Variants in SREK1 observed in about 807,000 individuals in gnomAD.
SREK1 encodes the protein splicing regulatory glutamic acid and lysine rich protein 1.
Under a neutral mutation model 66.5 loss-of-function variants are expected in SREK1, and 13 were observed. The ratio of observed to expected loss-of-function variants is 0.20; its 90% CI spans 0.13 to 0.31. SREK1 has a LOEUF of 0.31. SREK1 is among the 10% of genes least tolerant of loss of function. The pLI is 1.00. For synonymous variants in SREK1, 265 were observed against 263.5 expected, an observed-to-expected ratio of 1.01 and a Z score of -0.05; for missense variants, 607 against 769.6, an observed-to-expected ratio of 0.79 and a Z score of 2.50.
In SREK1 at chr5:66,153,490, A is replaced by C; in HGVS notation, c.189A>C (p.Lys63Asn). 1 of 1,613,124 alleles carries C rather than the reference A, an allele frequency of 6.2e-7. No individual in the cohort carries two copies. The highest frequency in any genetic ancestry group is 8.5e-7 in the Non-Finnish European group (1 of 1,179,686). ...ACGCACCTCTTGCTTTTTCCTCCAA[A>C]GTATGTTATGTTAAGTTTCGTGATC... ...PDNAPLAFSS[K>N]VCYVKFRDPS... Residue 63 changes from lysine to asparagine, a missense_variant, in exon 2 of 12, where the codon AAA becomes AAC. By Grantham distance (94) the Lys-to-Asn change is moderately conservative (BLOSUM62 0). This residue lies in a region of SREK1 where 99 missense variants were observed against 186.6 expected (regional missense o/e 0.53). Coordinates refer to ENST00000334121, the MANE Select transcript of SREK1 (RefSeq NM_001077199.3).
chr5:66,170,315 T>G (rs1191838088), intron 8 of SREK1, 145 bp downstream of exon 8: 1 of 1,204,272 alleles, frequency 8.3e-7, no homozygotes, highest in African/African-American at 1.5e-5. Context: ...TTTTATTGTT[T>G]TAGTAATCTA....
Position 66,144,415 on chromosome 5 carries a change from C to T in SREK1, c.39C>T (p.Phe13=). ...SGGGFGLGLG[F]GLTPTSVIQV... ...GCGGCTTCGGTTTGGGCTTAGGCTT[C>T]GGCCTCACCCCCACGTCGGTGATTC... is the stretch of plus-strand genomic sequence containing the variant. The change falls in exon 1 of 12, where the codon TTC becomes TTT. Residue 13 remains phenylalanine (F), a synonymous_variant. Coordinates refer to ENST00000334121, the MANE Select transcript of SREK1 (RefSeq NM_001077199.3). 1.3e-6 allele frequency: 2 copies of T among 1,551,302 alleles called. No individual in the cohort carries two copies. Among genetic ancestry groups the T allele is most frequent in the Non-Finnish European group, 1.7e-6 (2 of 1,146,810 alleles).
intron 2 of SREK1, chr5:66,157,925 A>G (rs1744427354): frequency 5.7e-6 from 1 of 174,072 alleles, no homozygotes; most frequent in Admixed American, 6.5e-5. Flanking sequence ...GTTGTTTTAA[A>G]TATTTTTACA....
In SREK1 at chr5:66,163,930, C is replaced by A. The variant is rs747872574; in HGVS notation, c.886+8C>A. On this transcript the variant is annotated splice_region_variant and intron_variant, in intron 6 of 11. Coordinates refer to ENST00000334121, the MANE Select transcript of SREK1 (RefSeq NM_001077199.3). ...CAGCAGCTATTGAACCAGGTAAGTA[C>A]ATAACGTTGTTACATAGGTCATAGT... 6.2e-7 allele frequency: 1 copy of A among 1,612,098 alleles called. No homozygotes were observed. Among genetic ancestry groups the A allele is most frequent in the Non-Finnish European group, 8.5e-7 (1 of 1,178,730 alleles).
At chr5:66,146,272 C>CT (rs1743186203) in intron 1 of SREK1, among the ~76,000 whole-genome samples, 1 of 152,078 alleles carries the variant, frequency 6.6e-6, no homozygotes, top group Admixed American at 6.5e-5. Context: ...GTAAATCTTG[C>CT]TTTCAAGGCT....
intron 7 of SREK1, chr5:66,165,834 T>C (rs1365429203): frequency 6.6e-6 from 1 of 152,202 alleles, no homozygotes; most frequent in Non-Finnish European, 1.5e-5. Flanking sequence ...AAGGAACCAG[T>C]TTGTTGTACA....
intron 7 of SREK1, chr5:66,168,682 A>G (rs1745373733): frequency 6.6e-6 from 1 of 152,016 alleles, no homozygotes; most frequent in Non-Finnish European, 1.5e-5. Context: ...CAGCCCAACT[A>G]TATTTCTTTT....
rs553510214 is a variant in SREK1, at chr5:66,182,077, T to C, written c.*3209T>C. ...ATTATAATGTAGAGTAATAGGCCTTTAAGTTTTTTTTTAATCTGTTAGAAA... is the reference window on the plus strand; with the variant it reads ...ATTATAATGTAGAGTAATAGGCCTTCAAGTTTTTTTTTAATCTGTTAGAAA... On this transcript the variant is annotated 3_prime_UTR_variant, in exon 12 of 12. Transcript: ENST00000334121. 4 of 152,288 alleles carry C rather than the reference T, an allele frequency of 2.6e-5. No homozygotes were observed. The highest frequency in any genetic ancestry group is 1.9e-4 in the East Asian group (1 of 5,190). The allele number at this position is 152,288 out of a possible 1,614,324, so 9.4% of individuals were successfully genotyped here.
At chr5:66,170,534 G>C (rs1745545402) in intron 8 of SREK1, 51 bp from the exon 9 acceptor site, 2 of 1,541,236 alleles carry the variant, frequency 1.3e-6, no homozygotes, top group African/African-American at 2.8e-5. Flanking sequence ...GGTCTTTTTG[G>C]AGGAGGTAGA....
At chr5:66,176,821 ATATT>A (rs1746094652) in intron 10 of SREK1, among the ~76,000 whole-genome samples, 1 of 151,854 alleles carries the variant, frequency 6.6e-6, no homozygotes, top group African/African-American at 2.4e-5. Context: ...TGATTTCTGT[ATATT>A]TATTTTTTTA....
chr5:66,153,365 C>G, intron 1 of SREK1, 98 bp from the exon 2 acceptor site: 1 of 1,461,026 alleles, frequency 6.8e-7, no homozygotes, highest in South Asian at 1.4e-5. Context: ...GTCTTAATTT[C>G]GTAAGATTAT....
chr5:66,182,701 G>A lies in SREK1; in HGVS notation c.*3833G>A, dbSNP rs1746591995. On this transcript the variant is annotated 3_prime_UTR_variant, in exon 12 of 12. Coordinates refer to ENST00000334121, the MANE Select transcript of SREK1 (RefSeq NM_001077199.3). ...TCACCTCAGCCTCTTGAATAGCTGGGACCACAGACATGTGCCACCAAGCCC... is the reference window on the plus strand; with the variant it reads ...TCACCTCAGCCTCTTGAATAGCTGGAACCACAGACATGTGCCACCAAGCCC... 1 of 152,088 alleles carries A rather than the reference G, an allele frequency of 6.6e-6. No individual in the cohort carries two copies. Among genetic ancestry groups the A allele is most frequent in the Non-Finnish European group, 1.5e-5 (1 of 68,084 alleles). The allele number at this position is 152,088 out of a possible 1,614,324, so 9.4% of individuals were successfully genotyped here.
intron 1 of SREK1, among the ~76,000 whole-genome samples, chr5:66,148,980 C>T (rs1406027865): frequency 6.6e-6 from 1 of 152,114 alleles, no homozygotes; most frequent in Non-Finnish European, 1.5e-5. Flanking sequence ...GTTACCTTGC[C>T]TGAAATTTTC....
intron 2 of SREK1, chr5:66,156,903 A>G (rs77884822): frequency 3.0e-6 from 3 of 984,518 alleles, no homozygotes; most frequent in Non-Finnish European, 3.6e-6. Context: ...GATTAGGACT[A>G]TAATACTGTG....
Position 66,175,512 on chromosome 5 carries a change from AT to A in SREK1, c.1580+479del, listed in dbSNP as rs557127875. Among the ~76,000 whole-genome samples the A allele has an allele frequency of 4.3e-3, 653 of 151,926 alleles. 4 individuals are homozygous for A. The highest frequency in any genetic ancestry group is 0.014 in the African/African-American group (599 of 41,442). On this transcript the variant is annotated intron_variant, in intron 10 of 11. Transcript: ENST00000334121. The stretch of plus-strand genomic sequence containing the variant: ...GGCTACAGTAGAAGGGGTTTTTTGA[AT>A]TTTTTTTACCATAAATTATGTAATG...
intron 11 of SREK1, among the ~76,000 whole-genome samples, chr5:66,177,907 A>G (rs904642070): frequency 3.3e-5 from 5 of 152,144 alleles, no homozygotes; most frequent in African/African-American, 7.2e-5. Context: ...TTAAGAAATC[A>G]ACAGTAACAA....
chr5:66,175,058 T>C lies in SREK1; in HGVS notation c.1580+17T>C. The C allele has an allele frequency of 6.3e-7, 1 of 1,589,404 alleles. No homozygotes were observed. The highest frequency in any genetic ancestry group is 8.6e-7 in the Non-Finnish European group (1 of 1,164,386). On this transcript the variant is annotated intron_variant, in intron 10 of 11. Transcript: ENST00000334121. Reference sequence around the variant, plus strand: ...CCCCAGGAGGTAGGTTGGGAGCTTGTGCTAAAACTAAACAGGAGAAAGCAA... The same window carrying C: ...CCCCAGGAGGTAGGTTGGGAGCTTGCGCTAAAACTAAACAGGAGAAAGCAA...
Position 66,180,649 on chromosome 5 carries a change from A to G in SREK1, c.*1781A>G, listed in dbSNP as rs1414078555. ...GTCACTGTGTACATTAAAATTTTGG[A>G]AGATGCTTTACTATGTAAAGTATAG... On this transcript the variant is annotated 3_prime_UTR_variant, in exon 12 of 12. Coordinates refer to ENST00000334121, the MANE Select transcript of SREK1 (RefSeq NM_001077199.3). 6.6e-6 allele frequency: 1 copy of G among 152,510 alleles called. No individual in the cohort carries two copies. The highest frequency in any genetic ancestry group is 1.5e-5 in the Non-Finnish European group (1 of 67,996). The allele number at this position is 152,510 out of a possible 1,614,324, so 9.4% of individuals were successfully genotyped here.
intron 7 of SREK1, chr5:66,168,075 T>C (rs1194908611): frequency 6.6e-6 from 1 of 151,630 alleles, no homozygotes; most frequent in Non-Finnish European, 1.5e-5. Flanking sequence ...CTAGGGTCTT[T>C]GGAAAAAAAT....
Sources: gnomAD v4.1 joint callset for allele counts (sites outside exome capture counted in the v4.1 genomes callset) on GRCh38, gnomAD v4.1.1 for gene constraint, gnomAD v4.1.1 regional missense constraint, MANE v1.5 for transcripts, NCBI Gene and HGNC (gene_info 2026-07-23, HGNC 2026-07-21) for gene names.